Variants in CSMD2 observed in about 807,000 individuals in gnomAD.
The protein encoded by CSMD2 is CUB and Sushi multiple domains 2, also known as CUB and sushi domain-containing protein 2.
Under a neutral mutation model 398.5 loss-of-function variants are expected in CSMD2, and 130 were observed. The ratio of observed to expected loss-of-function variants is 0.33; its 90% CI spans 0.28 to 0.38. The LOEUF (loss-of-function observed/expected upper bound fraction) is 0.38. CSMD2 is among the 10% of genes least tolerant of loss of function. The pLI is 1.00. For missense variants in CSMD2, 3,829 were observed against 4,764.9 expected (o/e 0.80, Z 5.78); for synonymous variants, 1,828 against 1,908.5 (o/e 0.96, Z 1.10).
intron 4 of CSMD2, among the ~76,000 whole-genome samples, chr1:33,932,426 G>A (rs1306890426): frequency 1.3e-5 from 2 of 152,104 alleles, no homozygotes; most frequent in South Asian, 4.1e-4. Flanking sequence ...AGGAGGGAAA[G>A]AATCATCATC....
chr1:33,759,567 T>C (rs142681399), intron 13 of CSMD2, among the ~76,000 whole-genome samples: 2,901 of 152,172 alleles, frequency 0.019, 38 homozygotes, highest in South Asian at 0.03. Flanking sequence ...CCTCGTGATC[T>C]GCCTGCCTTG....
chr1:33,550,456 C>T, intron 55 of CSMD2, 106 bp from the exon 56 acceptor site: 1 of 1,230,606 alleles, frequency 8.1e-7, no homozygotes, highest in Non-Finnish European at 1.1e-6. Context: ...GAAGAGAAAC[C>T]CAAGGGTATC....
At chr1:33,891,656 C>T (rs1642025417) in intron 5 of CSMD2, among the ~76,000 whole-genome samples, 1 of 151,782 alleles carries the variant, frequency 6.6e-6, no homozygotes, top group East Asian at 1.9e-4. Context: ...ACCCAAGTGT[C>T]CAACAATGAT....
At chr1:33,771,247 G>A (rs1651219480) in intron 13 of CSMD2, among the ~76,000 whole-genome samples, 1 of 152,136 alleles carries the variant, frequency 6.6e-6, no homozygotes, top group African/African-American at 2.4e-5. Context: ...CCTGCCCCGT[G>A]CACCTGTCCC....
At chr1:33,606,239 G>A (rs773183447) in intron 41 of CSMD2, among the ~76,000 whole-genome samples, 4 of 152,178 alleles carry the variant, frequency 2.6e-5, no homozygotes, top group African/African-American at 4.8e-5. Context: ...CAGTAATTGC[G>A]CCCACTCCAC....
At chr1:33,796,424 C>T (rs182005370) in intron 10 of CSMD2, among the ~76,000 whole-genome samples, 54 of 152,232 alleles carry the variant, frequency 3.5e-4, no homozygotes, top group Admixed American at 2.0e-3. Flanking sequence ...TAATTTCTTA[C>T]GCCTGTCTTT....
chr1:34,151,563 G>A (rs545490116), intron 1 of CSMD2, among the ~76,000 whole-genome samples: 249 of 152,192 alleles, frequency 1.6e-3, no homozygotes, highest in Non-Finnish European at 2.7e-3. Flanking sequence ...TAGGGAAGGG[G>A]ATGGACAGGA....
intron 1 of CSMD2, among the ~76,000 whole-genome samples, chr1:34,160,404 A>T (rs921773615): frequency 4.6e-5 from 7 of 152,208 alleles, no homozygotes; most frequent in African/African-American, 1.7e-4. Flanking sequence ...TGGTATGCCA[A>T]GGGCTTATTG....
At chr1:34,045,135 T>C (rs1416246421) in intron 2 of CSMD2, among the ~76,000 whole-genome samples, 1 of 151,988 alleles carries the variant, frequency 6.6e-6, no homozygotes, top group African/African-American at 2.4e-5. Flanking sequence ...CAAGAGCTTC[T>C]AAAACTGGGA....
chr1:33,662,700 C>A (rs1644176422), intron 26 of CSMD2, among the ~76,000 whole-genome samples, 190 bp downstream of exon 26: 1 of 152,186 alleles, frequency 6.6e-6, no homozygotes, highest in Non-Finnish European at 1.5e-5. Flanking sequence ...TATTAACCCA[C>A]CTGTCTTCCC....
At chr1:33,692,851 C>T in intron 25 of CSMD2, 79 bp downstream of exon 25, 1 of 1,556,230 alleles carries the variant, frequency 6.4e-7, no homozygotes, top group Middle Eastern at 1.7e-4. Context: ...CAGGCACTAG[C>T]TGGATGGCCT....
At chr1:33,831,303 A>G (rs528682973) in intron 6 of CSMD2, among the ~76,000 whole-genome samples, 6 of 152,372 alleles carry the variant, frequency 3.9e-5, no homozygotes, top group African/African-American at 1.4e-4. Flanking sequence ...TCAGACTAAC[A>G]GCGGATTTCT....
At chr1:33,544,209 C>T (rs1021695208) in intron 57 of CSMD2, among the ~76,000 whole-genome samples, 9 of 151,044 alleles carry the variant, frequency 6.0e-5, no homozygotes, top group Non-Finnish European at 4.4e-5. Flanking sequence ...CGGGTTCATG[C>T]CATTGTCCTG....
chr1:34,025,661 A>T (rs1481337874), intron 3 of CSMD2, among the ~76,000 whole-genome samples: 1 of 152,106 alleles, frequency 6.6e-6, no homozygotes, highest in Non-Finnish European at 1.5e-5. Context: ...TCTTACTAGG[A>T]CCCTTAGCTC....
At chr1:33,642,584 T>C (rs1367538203) in intron 29 of CSMD2, among the ~76,000 whole-genome samples, 3 of 152,162 alleles carry the variant, frequency 2.0e-5, no homozygotes, top group African/African-American at 7.2e-5. Flanking sequence ...TCCAGTCCTT[T>C]GGGAGTTTAT....
chr1:33,867,897 C>A (rs1640156221), intron 5 of CSMD2, among the ~76,000 whole-genome samples: 1 of 152,202 alleles, frequency 6.6e-6, no homozygotes, highest in Non-Finnish European at 1.5e-5. Flanking sequence ...CATGCCACCC[C>A]TTTCTGGTTT....
At chr1:33,669,417 A>G (rs1285444194) in intron 25 of CSMD2, among the ~76,000 whole-genome samples, 3 of 152,172 alleles carry the variant, frequency 2.0e-5, no homozygotes, top group Admixed American at 2.0e-4. Flanking sequence ...GACCACGTCT[A>G]TCTTTCTGAA....
intron 5 of CSMD2, among the ~76,000 whole-genome samples, chr1:33,867,593 C>T (rs1165959308): frequency 1.3e-5 from 2 of 152,228 alleles, no homozygotes; most frequent in Admixed American, 6.5e-5. Context: ...ATGCCCTCTT[C>T]CTTATAATTC....
chr1:33,937,545 GC>G (rs1243100112), intron 3 of CSMD2, among the ~76,000 whole-genome samples: 1 of 152,146 alleles, frequency 6.6e-6, no homozygotes, highest in Non-Finnish European at 1.5e-5. Flanking sequence ...GTTAGTATCT[GC>G]CTTCCAGAAC....
Sources: allele counts gnomAD v4.1 joint callset (sites outside exome capture counted in the v4.1 genomes callset), GRCh38; gene constraint gnomAD v4.1.1; transcripts MANE v1.5; gene names NCBI Gene and HGNC (gene_info 2026-07-23, HGNC 2026-07-21).